MAML2: variants seen among roughly 807,000 people sequenced by gnomAD.
MAML2 encodes mastermind like transcriptional coactivator 2.
In MAML2, 22 loss-of-function variants were observed where a neutral mutation model predicts 96.1. That is an observed-to-expected ratio of 0.23 (90% CI 0.16 to 0.33). MAML2 has a LOEUF of 0.33. MAML2 is among the 10% of genes least tolerant of loss of function. The probability of loss-of-function intolerance (pLI) is 1.00; values close to 1 mark genes in which losing one functional copy is unlikely to be tolerated. For missense variants in MAML2, 1,367 were observed against 1,392.4 expected, an observed-to-expected ratio of 0.98 and a Z score of 0.29; for synonymous variants, 561 against 521.3, an observed-to-expected ratio of 1.08 and a Z score of -1.04.
chr11:96,276,105 A>G (rs969894752), intron 1 of MAML2, among the ~76,000 whole-genome samples: 13 of 152,242 alleles, frequency 8.5e-5, no homozygotes, highest in African/African-American at 3.1e-4. Flanking sequence ...AAACAGGTAC[A>G]GAATCTATAA....
chr11:96,218,211 G>GGCAGCTGTAAC (rs1862078123), intron 1 of MAML2, among the ~76,000 whole-genome samples: 1 of 152,336 alleles, frequency 6.6e-6, no homozygotes, highest in Admixed American at 6.5e-5. Flanking sequence ...AGTGACAGAA[G>GGCAGCTGTAAC]GCAGCTGTAA....
intron 1 of MAML2, among the ~76,000 whole-genome samples, chr11:96,094,284 G>C (rs1380058408): frequency 6.6e-6 from 1 of 152,192 alleles, no homozygotes; most frequent in Non-Finnish European, 1.5e-5. Flanking sequence ...TTAGGCTCTG[G>C]AAGCAGACAA....
At chr11:96,297,991 A>T (rs1863326480) in intron 1 of MAML2, among the ~76,000 whole-genome samples, 1 of 152,222 alleles carries the variant, frequency 6.6e-6, no homozygotes, top group African/African-American at 2.4e-5. Context: ...ATCAGGATCA[A>T]AATAAGTTCT....
At chr11:96,063,184 T>C (rs949176253) in intron 2 of MAML2, among the ~76,000 whole-genome samples, 1 of 152,162 alleles carries the variant, frequency 6.6e-6, no homozygotes, top group Non-Finnish European at 1.5e-5. Context: ...TGTACACCTA[T>C]CTCCACCTCT....
intron 1 of MAML2, among the ~76,000 whole-genome samples, chr11:96,142,377 A>T (rs1031096159): frequency 3.3e-5 from 5 of 152,154 alleles, no homozygotes; most frequent in African/African-American, 1.2e-4. Flanking sequence ...TGTGAATGTT[A>T]CTCTGACTCT....
intron 1 of MAML2, among the ~76,000 whole-genome samples, chr11:96,103,011 G>A (rs924920355): frequency 2.6e-5 from 4 of 152,150 alleles, no homozygotes; most frequent in African/African-American, 4.8e-5. Context: ...TTAATCAAGT[G>A]GCTTCTCTCT....
chr11:96,250,951 A>C (rs1862574225), intron 1 of MAML2, among the ~76,000 whole-genome samples: 1 of 152,206 alleles, frequency 6.6e-6, no homozygotes, highest in Non-Finnish European at 1.5e-5. Flanking sequence ...GAAACAACTG[A>C]AAGTATCCCT....
chr11:96,123,926 C>A (rs1027784972), intron 1 of MAML2, among the ~76,000 whole-genome samples: 1 of 151,696 alleles, frequency 6.6e-6, no homozygotes, highest in Non-Finnish European at 1.5e-5. Context: ...AAAAATTAGC[C>A]GGGCATGGTG....
chr11:96,220,181 T>C (rs983417142), intron 1 of MAML2, among the ~76,000 whole-genome samples: 6 of 152,162 alleles, frequency 3.9e-5, no homozygotes, highest in South Asian at 2.1e-4. Context: ...CCAAATTCCT[T>C]GCTGTCTAGA....
At chr11:96,027,239 C>T (rs1410873918) in intron 2 of MAML2, among the ~76,000 whole-genome samples, 1 of 152,206 alleles carries the variant, frequency 6.6e-6, no homozygotes, top group Non-Finnish European at 1.5e-5. Flanking sequence ...TTCATTCACC[C>T]ATTCAGCAAA....
chr11:96,294,227 T>C (rs1325202551), intron 1 of MAML2, among the ~76,000 whole-genome samples: 2 of 152,188 alleles, frequency 1.3e-5, no homozygotes, highest in African/African-American at 4.8e-5. Flanking sequence ...CAAACAATGC[T>C]GGCTCCAGAA....
At chr11:96,244,918 A>T (rs564801879) in intron 1 of MAML2, among the ~76,000 whole-genome samples, 5 of 152,330 alleles carry the variant, frequency 3.3e-5, no homozygotes, top group South Asian at 2.1e-4. Context: ...CAAAATACTT[A>T]AAAAAAGGAT....
At chr11:96,306,698 C>A (rs1402359921) in intron 1 of MAML2, among the ~76,000 whole-genome samples, 1 of 152,138 alleles carries the variant, frequency 6.6e-6, no homozygotes, top group Non-Finnish European at 1.5e-5. Context: ...CTATTTTTTT[C>A]ACACCAAATC....
intron 1 of MAML2, among the ~76,000 whole-genome samples, chr11:96,105,486 G>T (rs1860007781): frequency 6.6e-6 from 1 of 152,162 alleles, no homozygotes; most frequent in Non-Finnish European, 1.5e-5. Flanking sequence ...ATTTTAAGAG[G>T]TCCCTGCAAT....
intron 2 of MAML2, among the ~76,000 whole-genome samples, chr11:96,063,870 T>C (rs973743687): frequency 1.1e-4 from 16 of 152,238 alleles, no homozygotes; most frequent in Middle Eastern, 3.2e-3. Context: ...AATATTCTTT[T>C]TTGCCTGTTG....
At chr11:96,338,300 C>T (rs1019074650) in intron 1 of MAML2, among the ~76,000 whole-genome samples, 1 of 152,242 alleles carries the variant, frequency 6.6e-6, no homozygotes, top group African/African-American at 2.4e-5. Flanking sequence ...CCCTATAATC[C>T]GGGCCCTCTG....
chr11:96,255,084 C>T (rs1351616757), intron 1 of MAML2, among the ~76,000 whole-genome samples: 1 of 152,178 alleles, frequency 6.6e-6, no homozygotes, highest in Non-Finnish European at 1.5e-5. Context: ...CCTGCCATGG[C>T]CTCCCAGAGT....
rs561875356 is a variant in MAML2 at position 96,124,139 on chromosome 11, G to A, written c.514-30622C>T. The stretch of plus-strand genomic sequence containing the variant: ...AAAAGGAGTAAACCCAGCAGGTGTC[G>A]TGATTTAGAAATGGCTGTCACAGTT... On this transcript the variant is annotated intron_variant, in intron 1 of 4. Transcript: ENST00000524717. 1.1e-4 allele frequency among the ~76,000 whole-genome samples: 17 copies of A among 149,730 alleles called. No individual in the cohort carries two copies. The South Asian group carries it at 2.5e-3, about 22-fold the overall frequency.
intron 1 of MAML2, among the ~76,000 whole-genome samples, chr11:96,104,322 G>A (rs1224531810): frequency 3.9e-5 from 6 of 152,138 alleles, no homozygotes; most frequent in African/African-American, 9.7e-5. Context: ...AAGAAAACAC[G>A]TCGAGATGCC....
Sources: gnomAD v4.1 joint callset for allele counts (sites outside exome capture counted in the v4.1 genomes callset) on GRCh38, gnomAD v4.1.1 for gene constraint, MANE v1.5 for transcripts, NCBI Gene and HGNC (gene_info 2026-07-23, HGNC 2026-07-21) for gene names.